PFDN1: variants seen among roughly 807,000 people sequenced by gnomAD.
The protein encoded by PFDN1 is prefoldin subunit 1, also known as prefoldin 1.
A neutral mutation model predicts 17.3 loss-of-function variants in PFDN1; 6 were observed. That is an observed-to-expected ratio of 0.35 (90% CI 0.19 to 0.69). The LOEUF (loss-of-function observed/expected upper bound fraction) is 0.69, where lower values mean the gene tolerates loss of function less well. Ranked by LOEUF, PFDN1 falls within the 30% of genes least tolerant of loss-of-function variation. The probability of loss-of-function intolerance (pLI) is 0.65; values close to 1 mark genes in which losing one functional copy is unlikely to be tolerated. For synonymous variants in PFDN1, 58 were observed against 50.1 expected (o/e 1.16, Z -0.67); for missense variants, 113 against 146.2 (o/e 0.77, Z 1.17).
chr5:140,259,519 C>T (rs1292017322), intron 3 of PFDN1, among the ~76,000 whole-genome samples: 1 of 152,202 alleles, frequency 6.6e-6, no homozygotes, highest in Non-Finnish European at 1.5e-5. Context: ...CCCTACAAGT[C>T]TTCCAAATGA....
intron 3 of PFDN1, among the ~76,000 whole-genome samples, chr5:140,251,156 G>A (rs1561491958): frequency 6.6e-6 from 1 of 151,844 alleles, no homozygotes; most frequent in East Asian, 1.9e-4. Context: ...GGCTGGTCTC[G>A]AACTCCTGGC....
chr5:140,264,807 T>C (rs1484196291), intron 3 of PFDN1, among the ~76,000 whole-genome samples: 4 of 152,222 alleles, frequency 2.6e-5, no homozygotes, highest in Admixed American at 2.6e-4. Flanking sequence ...ATCACGCCAC[T>C]GCACTCCAGC....
At chr5:140,281,260 T>C (rs1765392880) in intron 3 of PFDN1, 189 bp downstream of exon 3, 1 of 454,142 alleles carries the variant, frequency 2.2e-6, no homozygotes, top group Admixed American at 3.9e-5. Flanking sequence ...GACTATTCTT[T>C]TTTTTTTGTT....
At chr5:140,298,912 C>T (rs1328386931) in intron 2 of PFDN1, among the ~76,000 whole-genome samples, 1 of 151,838 alleles carries the variant, frequency 6.6e-6, no homozygotes, top group Non-Finnish European at 1.5e-5. Flanking sequence ...CACCATGCCT[C>T]GCTAATTTTT....
chr5:140,296,980 T>C (rs1765664114), intron 2 of PFDN1, among the ~76,000 whole-genome samples: 1 of 152,172 alleles, frequency 6.6e-6, no homozygotes, highest in African/African-American at 2.4e-5. Context: ...CAACAGAGGA[T>C]GAACAAAGGA....
chr5:140,267,617 T>C lies in PFDN1; in HGVS notation c.285+13832A>G, dbSNP rs7723253. ...TCCCCAGGAACTAAATTAAACAGAT[T>C]ACAGACAGTAGCCAGGGCTGGCCTT... On this transcript the variant is annotated intron_variant, in intron 3 of 3. Coordinates refer to ENST00000261813, the MANE Select transcript of PFDN1 (RefSeq NM_002622.5). Among the ~76,000 whole-genome samples the C allele has an allele frequency of 3.5e-3, 534 of 152,288 alleles. 3 individuals carry two copies. The highest frequency in any genetic ancestry group is 0.013 in the African/African-American group (521 of 41,562).
chr5:140,296,100 G>A (rs758781785), intron 2 of PFDN1, among the ~76,000 whole-genome samples: 10 of 152,068 alleles, frequency 6.6e-5, no homozygotes, highest in Non-Finnish European at 1.2e-4. Context: ...ATCAGAGGAC[G>A]TGATTTTGGT....
At chr5:140,251,389 G>A (rs1392763131) in intron 3 of PFDN1, among the ~76,000 whole-genome samples, 4 of 152,102 alleles carry the variant, frequency 2.6e-5, no homozygotes, top group Non-Finnish European at 5.9e-5. Flanking sequence ...AACAGAACAC[G>A]CCCTAACAGG....
chr5:140,281,238 T>C, intron 3 of PFDN1: 1 of 412,250 alleles, frequency 2.4e-6, no homozygotes, highest in Non-Finnish European at 4.3e-6. Flanking sequence ...TTCTCTGCAG[T>C]TCCAAAGAAG....
rs574870736 is a variant in PFDN1 at position 140,254,282 on chromosome 5, A to G, written c.286-8225T>C. On this transcript the variant is annotated intron_variant, in intron 3 of 3. Transcript: ENST00000261813. The surrounding 1 kb of genome is among the most constrained non-coding windows in gnomAD (Gnocchi z 4.4). ...AAAAGATGGGGCTTTAAAGGGTAGGACTGAGTCCAGCAGTTAGAGATTTTT... is the reference window on the plus strand; with the variant it reads ...AAAAGATGGGGCTTTAAAGGGTAGGGCTGAGTCCAGCAGTTAGAGATTTTT... Among the ~76,000 whole-genome samples the G allele has an allele frequency of 6.6e-6, 1 of 152,254 alleles. No homozygotes were observed. The highest frequency in any genetic ancestry group is 1.5e-5 in the Non-Finnish European group (1 of 68,020).
At chr5:140,279,027 A>AC (rs1765348324) in intron 3 of PFDN1, among the ~76,000 whole-genome samples, 1 of 151,956 alleles carries the variant, frequency 6.6e-6, no homozygotes, top group Non-Finnish European at 1.5e-5. Flanking sequence ...AATCAAAAAA[A>AC]GAAATTGTAT....
chr5:140,273,389 T>C (rs746507094), intron 3 of PFDN1, among the ~76,000 whole-genome samples: 1 of 152,100 alleles, frequency 6.6e-6, no homozygotes, highest in Non-Finnish European at 1.5e-5. Context: ...AGGGCAAAAC[T>C]GGACATCCAT....
chr5:140,269,577 C>A (rs955716515), intron 3 of PFDN1, among the ~76,000 whole-genome samples: 2 of 152,164 alleles, frequency 1.3e-5, no homozygotes, highest in Admixed American at 6.5e-5. Context: ...CCTTGGCCTC[C>A]CAAAATGCTG....
chr5:140,296,841 G>A (rs1765662226), intron 2 of PFDN1, among the ~76,000 whole-genome samples: 1 of 152,168 alleles, frequency 6.6e-6, no homozygotes, highest in African/African-American at 2.4e-5. Context: ...AGGTCCATGA[G>A]ATGAAATATA....
At chr5:140,269,257 C>T (rs142821501) in intron 3 of PFDN1, among the ~76,000 whole-genome samples, 130 of 152,104 alleles carry the variant, frequency 8.5e-4, no homozygotes, top group African/African-American at 2.9e-3. Flanking sequence ...AAAAGATCTG[C>T]CTGCCTCAGA....
intron 2 of PFDN1, among the ~76,000 whole-genome samples, chr5:140,295,420 T>C (rs1765637816): frequency 6.6e-6 from 1 of 152,168 alleles, no homozygotes; most frequent in Non-Finnish European, 1.5e-5. Flanking sequence ...TATTCCCTCC[T>C]TGCATGCTAG....
intron 3 of PFDN1, among the ~76,000 whole-genome samples, chr5:140,273,623 G>A (rs17118785): frequency 0.19 from 28,350 of 151,976 alleles, 2,920 homozygotes; most frequent in South Asian, 0.24. Flanking sequence ...CATTTTTGTG[G>A]AAGAGTTGGG....
intron 3 of PFDN1, among the ~76,000 whole-genome samples, chr5:140,278,557 CAAAAAAAAAA>C (rs113129230): frequency 1.0e-4 from 8 of 79,006 alleles, no homozygotes; most frequent in South Asian, 7.5e-4. Context: ...GACTCTGTCT[CAAAAAAAAAA>C]AAAAAAAAAA....
intron 1 of PFDN1, among the ~76,000 whole-genome samples, chr5:140,301,591 C>T (rs949337213): frequency 2.6e-5 from 4 of 151,692 alleles, no homozygotes; most frequent in Admixed American, 2.6e-4. Flanking sequence ...TTGTCTCCAC[C>T]CAAAAAAAGG....
Sources: gnomAD v4.1 joint callset for allele counts (sites outside exome capture counted in the v4.1 genomes callset) on GRCh38, gnomAD v4.1.1 for gene constraint, Gnocchi (gnomAD v3.1) non-coding constraint, MANE v1.5 for transcripts, NCBI Gene and HGNC (gene_info 2026-07-23, HGNC 2026-07-21) for gene names.